The following EPC1 variants were observed in gnomAD, a reference collection of about 807,000 sequenced individuals.
EPC1 encodes enhancer of polycomb 1.
A neutral mutation model predicts 98.4 loss-of-function variants in EPC1; 12 were observed. The ratio of observed to expected loss-of-function variants is 0.12; its 90% CI spans 0.08 to 0.20. The LOEUF is 0.20. Ranked by LOEUF, EPC1 falls within the 10% of genes least tolerant of loss-of-function variation. EPC1 has a pLI of 1.00. For missense variants in EPC1, 729 were observed against 990.5 expected, an observed-to-expected ratio of 0.74 and a Z score of 3.54; for synonymous variants, 357 against 363.9, an observed-to-expected ratio of 0.98 and a Z score of 0.21.
At chr10:32,279,429 C>A (rs1836286304) in intron 10 of EPC1, among the ~76,000 whole-genome samples, 1 of 151,672 alleles carries the variant, frequency 6.6e-6, no homozygotes, top group Admixed American at 6.6e-5. Context: ...TTCACAAAAT[C>A]TTACAAAATA....
At position 32,278,371 on chromosome 10, in the gene EPC1, G is replaced by GT. The variant is rs58729377; in HGVS notation, c.1745-5091dup. ...AAAATGTATACTTTGGTTTTTTTTTGTTTTTTTTTTTTTGTTTTTTTTTTT... is the reference window on the plus strand; with the variant it reads ...AAAATGTATACTTTGGTTTTTTTTTGTTTTTTTTTTTTTTGTTTTTTTTTTT... On this transcript the variant is annotated intron_variant, in intron 10 of 13. Transcript: ENST00000319778. Among the ~76,000 whole-genome samples, 239 of 102,556 alleles carry GT rather than the reference G, an allele frequency of 2.3e-3. 3 individuals are homozygous for GT. The highest frequency in any genetic ancestry group is 6.8e-3 in the Middle Eastern group (1 of 148). The allele number at this position is 102,556 out of a possible 152,430, so 67.3% of individuals were successfully genotyped here.
intron 6 of EPC1, among the ~76,000 whole-genome samples, chr10:32,289,724 C>T (rs1836892925): frequency 6.6e-6 from 1 of 151,698 alleles, no homozygotes; most frequent in Non-Finnish European, 1.5e-5. Context: ...CCCAGGTTCA[C>T]GCCATTCTCC....
intron 1 of EPC1, among the ~76,000 whole-genome samples, chr10:32,326,145 C>G (rs887405443): frequency 6.6e-6 from 1 of 152,196 alleles, no homozygotes; most frequent in African/African-American, 2.4e-5. Context: ...AATATCCCTA[C>G]TTCCTTATCC....
upstream of EPC1, among the ~76,000 whole-genome samples, chr10:32,347,705 CCGCGG>C (rs1168104906): frequency 7.9e-5 from 12 of 152,198 alleles, no homozygotes; most frequent in Non-Finnish European, 1.8e-4. Flanking sequence ...AGCCTAGTTC[CCGCGG>C]CGCCTTAGGT....
At chr10:32,305,628 G>T in intron 2 of EPC1, 144 bp downstream of exon 2, 1 of 482,024 alleles carries the variant, frequency 2.1e-6, no homozygotes, top group Non-Finnish European at 3.3e-6. Flanking sequence ...CATTTTAAAA[G>T]TTGAAAATGG....
intron 6 of EPC1, 97 bp from the exon 7 acceptor site, chr10:32,287,371 G>A (rs777609191): frequency 1.1e-5 from 13 of 1,203,288 alleles, no homozygotes; most frequent in Non-Finnish European, 1.5e-5. Context: ...TTGCTATAAT[G>A]AGGGCATTCA....
At chr10:32,302,995 C>T (rs1835661649) in intron 2 of EPC1, among the ~76,000 whole-genome samples, 1 of 151,980 alleles carries the variant, frequency 6.6e-6, no homozygotes, top group Admixed American at 6.6e-5. Context: ...TGAATATATA[C>T]CCCAGAGGAA....
rs569168426 is a variant in EPC1 at position 32,279,965 on chromosome 10, G to A, written c.1744+4733C>T. Among the ~76,000 whole-genome samples the A allele has an allele frequency of 2.0e-5, 3 of 152,116 alleles. No individual in the cohort carries two copies. In the East Asian group the frequency reaches 5.8e-4, roughly 29 times the overall value. ...TACCACTGTGTTATCCTGCTGCATG[G>A]TATCCAGAGGACCAAGCACTCAACA... On this transcript the variant is annotated intron_variant, in intron 10 of 13. Transcript: ENST00000319778.
chr10:32,306,737 G>C (rs1835895733), intron 1 of EPC1, among the ~76,000 whole-genome samples: 1 of 152,030 alleles, frequency 6.6e-6, no homozygotes, highest in Non-Finnish European at 1.5e-5. Flanking sequence ...AATAAGTTCT[G>C]GTTTAGCCAC....
chr10:32,350,886 T>G (rs1839091925), upstream of EPC1, among the ~76,000 whole-genome samples: 1 of 152,242 alleles, frequency 6.6e-6, no homozygotes. Flanking sequence ...TGAAATTGTT[T>G]CTGGGATTTA....
At chr10:32,343,690 A>AT (rs1357963559) in intron 1 of EPC1, among the ~76,000 whole-genome samples, 2 of 28,590 alleles carry the variant, frequency 7.0e-5, no homozygotes, top group Non-Finnish European at 1.5e-4. Context: ...CCTCCAAATT[A>AT]TTTTGGGGGG....
chr10:32,284,967 G>A lies in EPC1; in HGVS notation c.1475C>T (p.Ser492Phe), dbSNP rs888479623. The change falls in exon 10 of 14, where the codon TCT becomes TTT. Residue 492 changes from serine to phenylalanine, a missense_variant. Transcript: ENST00000319778. ...GGTATTGGCAAACTGATTGACTGGA[G>A]AATGTTGTGGTGAGGAAAGCATTTC... Reference protein sequence around the residue: ...DLEMLSSPQHSPVNQFANTSE... With the variant: ...DLEMLSSPQHFPVNQFANTSE... 1.2e-6 allele frequency: 2 copies of A among 1,614,180 alleles called. No individual in the cohort carries two copies. Among genetic ancestry groups the A allele is most frequent in the Non-Finnish European group, 1.7e-6 (2 of 1,180,036 alleles).
At chr10:32,371,673 T>C (rs982476109) in intron 1 of EPC1, among the ~76,000 whole-genome samples, 1 of 151,716 alleles carries the variant, frequency 6.6e-6, no homozygotes, top group African/African-American at 2.4e-5. Context: ...CCGAGGCGGG[T>C]GGATCACCTG....
intron 1 of EPC1, among the ~76,000 whole-genome samples, chr10:32,362,466 G>A (rs1839471178): frequency 6.6e-6 from 1 of 152,058 alleles, no homozygotes; most frequent in Non-Finnish European, 1.5e-5. Context: ...CCCGCTCCCT[G>A]TCTCTCTCTT....
At position 32,286,391 on chromosome 10, in the gene EPC1, G is replaced by A. The variant is rs935018517; in HGVS notation, c.1391+303C>T. 3.1e-5 allele frequency: 12 copies of A among 386,168 alleles called. No individual in the cohort carries two copies. The Admixed American group carries it at 4.4e-4, about 14-fold the overall frequency. The allele number at this position is 386,168 out of a possible 1,614,324, so 23.9% of individuals were successfully genotyped here. On this transcript the variant is annotated intron_variant, in intron 9 of 13. Transcript: ENST00000319778. ...TAACTTAATACACTGTGTGCAATCA[G>A]GATTTACACTTGTCTTCATCTGTTG...
At chr10:32,342,042 CA>C (rs1175203371) in intron 1 of EPC1, among the ~76,000 whole-genome samples, 1 of 152,194 alleles carries the variant, frequency 6.6e-6, no homozygotes, top group African/African-American at 2.4e-5. Context: ...TACCTTTGGA[CA>C]GTATAGAAAG....
chr10:32,373,114 C>T (rs1353484944), intron 1 of EPC1, among the ~76,000 whole-genome samples: 1 of 152,182 alleles, frequency 6.6e-6, no homozygotes, highest in Non-Finnish European at 1.5e-5. Flanking sequence ...TACACAGCCT[C>T]TGATTTCAGA....
At chr10:32,310,960 G>C (rs1456358701) in intron 1 of EPC1, among the ~76,000 whole-genome samples, 1 of 152,134 alleles carries the variant, frequency 6.6e-6, no homozygotes, top group East Asian at 1.9e-4. Flanking sequence ...TTGGGGTGAA[G>C]TGTCATGATA....
upstream of EPC1, among the ~76,000 whole-genome samples, chr10:32,351,627 C>T (rs1287807833): frequency 5.9e-5 from 9 of 151,580 alleles, no homozygotes; most frequent in South Asian, 4.2e-4. Flanking sequence ...CATTGCACTC[C>T]GGGCTGGGCA....
Sources: allele counts gnomAD v4.1 joint callset (sites outside exome capture counted in the v4.1 genomes callset), GRCh38; gene constraint gnomAD v4.1.1; transcripts MANE v1.5; gene names NCBI Gene and HGNC (gene_info 2026-07-23, HGNC 2026-07-21).